Variants in SOX5 observed in about 807,000 individuals in gnomAD.
SOX5 encodes the protein SRY-box transcription factor 5.
Under a neutral mutation model 92.0 loss-of-function variants are expected in SOX5, and 9 were observed. That is an observed-to-expected ratio of 0.10 (90% CI 0.06 to 0.17). The LOEUF (loss-of-function observed/expected upper bound fraction) is 0.17. SOX5 is among the 10% of genes least tolerant of loss of function. SOX5 has a pLI of 1.00. For missense variants in SOX5, 642 were observed against 944.5 expected, an observed-to-expected ratio of 0.68 and a Z score of 4.20; for synonymous variants, 344 against 336.3, an observed-to-expected ratio of 1.02 and a Z score of -0.25.
intron 3 of SOX5, among the ~76,000 whole-genome samples, chr12:23,789,752 A>G (rs982014050): frequency 3.9e-5 from 6 of 152,130 alleles, no homozygotes; most frequent in African/African-American, 1.4e-4. Flanking sequence ...TAGAACACAA[A>G]ATTACTTTTA....
At chr12:23,720,156 C>G (rs751821364) in intron 6 of SOX5, among the ~76,000 whole-genome samples, 3 of 152,130 alleles carry the variant, frequency 2.0e-5, no homozygotes, top group African/African-American at 2.4e-5. Context: ...AATGAAGCAC[C>G]TGTTACAGCA....
chr12:23,634,108 A>G (rs938125528), intron 8 of SOX5, among the ~76,000 whole-genome samples: 1 of 152,152 alleles, frequency 6.6e-6, no homozygotes, highest in African/African-American at 2.4e-5. Context: ...TTTTAATTAA[A>G]AATTCTTATG....
chr12:24,325,705 C>A (rs1950613402), intron 2 of SOX5, among the ~76,000 whole-genome samples: 1 of 152,324 alleles, frequency 6.6e-6, no homozygotes, highest in Middle Eastern at 3.4e-3. Flanking sequence ...AAAGGACATT[C>A]TCCACTGTGT....
At chr12:24,086,134 G>A (rs1370480335) in intron 4 of SOX5, among the ~76,000 whole-genome samples, 3 of 151,858 alleles carry the variant, frequency 2.0e-5, no homozygotes, top group Admixed American at 2.0e-4. Flanking sequence ...GATTCCCTCT[G>A]TTTCCAGTGG....
intron 11 of SOX5, among the ~76,000 whole-genome samples, chr12:23,556,692 A>G (rs1945234764): frequency 6.6e-6 from 1 of 152,230 alleles, no homozygotes; most frequent in South Asian, 2.1e-4. Context: ...TAAAGGCAAC[A>G]TTTATAAAAC....
intron 2 of SOX5, among the ~76,000 whole-genome samples, chr12:23,884,580 G>GC: frequency 6.6e-6 from 1 of 152,186 alleles, no homozygotes; most frequent in Middle Eastern, 3.4e-3. Flanking sequence ...TCCCCCACAA[G>GC]TATTTCTAAA....
chr12:24,207,209 A>G (rs1958111437), intron 4 of SOX5, among the ~76,000 whole-genome samples: 1 of 152,246 alleles, frequency 6.6e-6, no homozygotes, highest in Non-Finnish European at 1.5e-5. Flanking sequence ...TTATTGTAAA[A>G]GTAAAGGCAA....
rs149130520 is a variant in SOX5 at position 23,809,912 on chromosome 12, T to C, written c.481+36071A>G. 3.2e-4 allele frequency among the ~76,000 whole-genome samples: 49 copies of C among 152,182 alleles called. 1 individual carries two copies. The East Asian group carries it at 6.4e-3, about 20-fold the overall frequency. On this transcript the variant is annotated intron_variant, in intron 3 of 14. Coordinates refer to ENST00000451604, the MANE Select transcript of SOX5 (RefSeq NM_006940.6). ...GATCCCAAGTACTGAAATTATATAG[T>C]AAATGCCTCTTATGATTTAAAATGT...
chr12:24,408,538 C>T (rs151247896), intron 1 of SOX5, among the ~76,000 whole-genome samples: 647 of 152,202 alleles, frequency 4.3e-3, no homozygotes, highest in South Asian at 6.4e-3. Context: ...CACTTGTTTC[C>T]GCTCCACCCC....
intron 1 of SOX5, among the ~76,000 whole-genome samples, chr12:24,403,335 T>C (rs143048875): frequency 1.3e-5 from 2 of 152,342 alleles, no homozygotes; most frequent in African/African-American, 4.8e-5. Context: ...GTGTTTCCCC[T>C]GATAAATCAA....
chr12:24,345,105 T>C (rs911444516), intron 2 of SOX5, among the ~76,000 whole-genome samples: 1 of 152,154 alleles, frequency 6.6e-6, no homozygotes, highest in African/African-American at 2.4e-5. Flanking sequence ...CCTGAGGATA[T>C]ATGGTGGTGT....
At chr12:23,778,960 A>C (rs1415777677) in intron 3 of SOX5, among the ~76,000 whole-genome samples, 3 of 152,214 alleles carry the variant, frequency 2.0e-5, no homozygotes, top group African/African-American at 7.2e-5. Flanking sequence ...AGATGACAGC[A>C]CAATCTCAGT....
intron 3 of SOX5, among the ~76,000 whole-genome samples, chr12:23,761,447 A>G (rs919258217): frequency 9.9e-5 from 15 of 152,176 alleles, no homozygotes; most frequent in Non-Finnish European, 2.2e-4. Context: ...TATTTTTAAA[A>G]TATTTGACCA....
chr12:23,950,241 C>T (rs569282770), upstream of SOX5, among the ~76,000 whole-genome samples: 50 of 150,384 alleles, frequency 3.3e-4, no homozygotes, highest in African/African-American at 1.1e-3. Context: ...AGGCTCTCTC[C>T]GTTCACACAC....
upstream of SOX5, among the ~76,000 whole-genome samples, chr12:23,952,661 T>A (rs1428430650): frequency 6.6e-6 from 1 of 152,148 alleles, no homozygotes; most frequent in African/African-American, 2.4e-5. Context: ...GGAGTTGAAA[T>A]AGACGAGGAA....
chr12:24,344,281 CAAAAAAAAAAAAAAA>C (rs61660537), intron 2 of SOX5, among the ~76,000 whole-genome samples: 25 of 104,316 alleles, frequency 2.4e-4, no homozygotes, highest in Non-Finnish European at 2.9e-4. Flanking sequence ...GACTCTGTCT[CAAAAAAAAAAAAAAA>C]AAAAAAAAAA....
chr12:24,259,701 G>C (rs1424248314), intron 3 of SOX5, among the ~76,000 whole-genome samples: 2 of 152,190 alleles, frequency 1.3e-5, no homozygotes, highest in Non-Finnish European at 2.9e-5. Flanking sequence ...CAATGCATCA[G>C]GCTGGCTTGA....
chr12:24,044,565 T>C (rs1569520035), intron 4 of SOX5, among the ~76,000 whole-genome samples: 2 of 152,194 alleles, frequency 1.3e-5, no homozygotes, highest in African/African-American at 4.8e-5. Context: ...TGTTTCCATC[T>C]CCACATGATA....
intron 4 of SOX5, among the ~76,000 whole-genome samples, chr12:24,033,307 T>C (rs913652676): frequency 1.3e-5 from 2 of 151,948 alleles, no homozygotes; most frequent in Non-Finnish European, 2.9e-5. Flanking sequence ...TTTTCAGTTA[T>C]AGAATTTAAG....
Sources: allele counts gnomAD v4.1 joint callset (sites outside exome capture counted in the v4.1 genomes callset), GRCh38; gene constraint gnomAD v4.1.1; transcripts MANE v1.5; gene names NCBI Gene and HGNC (gene_info 2026-07-23, HGNC 2026-07-21).